The following NCKAP5 variants were observed in gnomAD, a reference collection of about 807,000 sequenced individuals.
NCKAP5 encodes NCK associated protein 5.
A neutral mutation model predicts 167.0 loss-of-function variants in NCKAP5; 92 were observed. The observed-to-expected ratio is 0.55, with a 90% CI of 0.47 to 0.66. NCKAP5 has a LOEUF of 0.66. NCKAP5 is among the 30% of genes least tolerant of loss of function. The probability of loss-of-function intolerance (pLI) is 0.00; values close to 1 mark genes in which losing one functional copy is unlikely to be tolerated. For synonymous variants in NCKAP5, 891 were observed against 877.4 expected (o/e 1.02, Z -0.27); for missense variants, 2,378 against 2,315.0 (o/e 1.03, Z -0.56).
chr2:133,369,270 G>T (rs1470584732), intron 3 of NCKAP5, among the ~76,000 whole-genome samples: 1 of 152,196 alleles, frequency 6.6e-6, no homozygotes, highest in Non-Finnish European at 1.5e-5. Context: ...GTCAGGTGCA[G>T]AACTATCGAA....
At chr2:132,883,913 C>A (rs188263183) in intron 8 of NCKAP5, among the ~76,000 whole-genome samples, 1 of 152,222 alleles carries the variant, frequency 6.6e-6, no homozygotes, top group East Asian at 1.9e-4. Context: ...CTTTAATCAA[C>A]AATGAAACTT....
chr2:133,590,216 C>T, the NCKAP5 span, among the ~76,000 whole-genome samples: 11 of 152,190 alleles, frequency 7.2e-5, no homozygotes, highest in East Asian at 1.9e-4. Context: ...GGTGGCCGGG[C>T]GCGGTGGCTC....
intron 7 of NCKAP5, among the ~76,000 whole-genome samples, chr2:132,979,757 T>G (rs2077076520): frequency 6.6e-6 from 1 of 152,150 alleles, no homozygotes; most frequent in African/African-American, 2.4e-5. Context: ...ATACTCCCAT[T>G]TATCTGAATT....
chr2:133,352,473 G>A (rs755464349), intron 3 of NCKAP5, among the ~76,000 whole-genome samples: 10 of 152,232 alleles, frequency 6.6e-5, no homozygotes, highest in African/African-American at 1.2e-4. Context: ...TTTGGGATAC[G>A]TTATGAGGCA....
chr2:133,401,278 C>T (rs1688082465), intron 3 of NCKAP5, among the ~76,000 whole-genome samples: 1 of 152,194 alleles, frequency 6.6e-6, no homozygotes, highest in Admixed American at 6.5e-5. Context: ...TCACATCTTG[C>T]CTAGAATCTT....
intron 5 of NCKAP5, among the ~76,000 whole-genome samples, chr2:133,154,137 C>T (rs781050295): frequency 2.0e-5 from 3 of 152,144 alleles, no homozygotes; most frequent in South Asian, 2.1e-4. Flanking sequence ...CCACCACTCC[C>T]GGCCAGTTCC....
chr2:133,465,457 C>T (rs200605123), intron 3 of NCKAP5, among the ~76,000 whole-genome samples: 13 of 151,554 alleles, frequency 8.6e-5, no homozygotes, highest in African/African-American at 1.5e-4. Flanking sequence ...TGAATAATGC[C>T]GCAATAAACA....
chr2:133,320,787 A>G (rs13414823), intron 3 of NCKAP5, among the ~76,000 whole-genome samples: 1 of 151,998 alleles, frequency 6.6e-6, no homozygotes, highest in Non-Finnish European at 1.5e-5. Context: ...CCACTTGTAG[A>G]CCACTCCCAT....
intron 8 of NCKAP5, among the ~76,000 whole-genome samples, chr2:132,910,739 C>A (rs1260418031): frequency 6.6e-6 from 1 of 151,976 alleles, no homozygotes; most frequent in Non-Finnish European, 1.5e-5. Context: ...TCATTTTTTT[C>A]TTTAAATACA....
chr2:132,893,921 A>T (rs944297063), intron 8 of NCKAP5, among the ~76,000 whole-genome samples: 1 of 152,178 alleles, frequency 6.6e-6, no homozygotes, highest in Non-Finnish European at 1.5e-5. Context: ...CACTCTAATA[A>T]GTAACAGAGC....
chr2:132,970,515 C>T (rs1329867271), intron 7 of NCKAP5, among the ~76,000 whole-genome samples: 2 of 152,076 alleles, frequency 1.3e-5, no homozygotes, highest in Middle Eastern at 3.2e-3. Context: ...CTTTCACTCC[C>T]CACATATTTC....
intron 11 of NCKAP5, among the ~76,000 whole-genome samples, chr2:132,797,323 A>T (rs1016320744): frequency 6.6e-6 from 1 of 152,168 alleles, no homozygotes; most frequent in African/African-American, 2.4e-5. Context: ...CGTGCTGTTC[A>T]ATTATATACT....
intron 5 of NCKAP5, among the ~76,000 whole-genome samples, chr2:133,178,597 G>T (rs1009062542): frequency 6.7e-6 from 1 of 149,718 alleles, no homozygotes; most frequent in African/African-American, 2.5e-5. Context: ...AGGCCGATGC[G>T]GGCGGATCAC....
intron 2 of NCKAP5, among the ~76,000 whole-genome samples, chr2:133,518,443 C>T (rs111450777): frequency 0.1 from 14,896 of 148,338 alleles, 1,245 homozygotes; most frequent in African/African-American, 0.23. Context: ...CAAGCTCCGC[C>T]TCCCTGGTTC....
intron 16 of NCKAP5, among the ~76,000 whole-genome samples, chr2:132,736,046 G>T (rs1430081564): frequency 6.6e-6 from 1 of 152,158 alleles, no homozygotes; most frequent in African/African-American, 2.4e-5. Context: ...TGCATGCCCT[G>T]ACATTAAACT....
At chr2:133,363,448 G>C (rs1056956501) in intron 3 of NCKAP5, among the ~76,000 whole-genome samples, 1 of 152,156 alleles carries the variant, frequency 6.6e-6, no homozygotes, top group Non-Finnish European at 1.5e-5. Context: ...TTTACAAAAA[G>C]AGTTTGTCAA....
chr2:132,801,944 G>A (rs1048300534), intron 11 of NCKAP5, among the ~76,000 whole-genome samples: 4 of 152,206 alleles, frequency 2.6e-5, no homozygotes, highest in African/African-American at 7.2e-5. Flanking sequence ...GTGCATTTGA[G>A]CCTTTGGCTA....
rs567994582 is a variant in NCKAP5 at position 133,388,770 on chromosome 2, C to T, written c.70-85660G>A. 4.6e-5 allele frequency among the ~76,000 whole-genome samples: 7 copies of T among 152,354 alleles called. No homozygotes were observed. The East Asian group carries it at 1.2e-3, about 25-fold the overall frequency. ...CTCCCCCAGCCTCGCTGCCACCTTG[C>T]AGTTTGATCTCAGACTGCTGTGCTA... On this transcript the variant is annotated intron_variant, in intron 3 of 19. Transcript: ENST00000409261.
rs1478331413 is a variant in NCKAP5 at position 133,038,240 on chromosome 2, G to T, written c.342-44001C>A. ...CTGAAGTGTTCATCAACAGATGAAT[G>T]GATACAGAAAACGTGGTACATGTAC... On this transcript the variant is annotated intron_variant, in intron 6 of 19. Transcript: ENST00000409261. Among the ~76,000 whole-genome samples, 3 of 152,068 alleles carry T rather than the reference G, an allele frequency of 2.0e-5. No homozygotes were observed. The East Asian group carries it at 5.8e-4, about 29-fold the overall frequency.
Sources: allele counts gnomAD v4.1 joint callset (sites outside exome capture counted in the v4.1 genomes callset), GRCh38; gene constraint gnomAD v4.1.1; transcripts MANE v1.5; gene names NCBI Gene and HGNC (gene_info 2026-07-23, HGNC 2026-07-21).